PARD3: variants seen among roughly 807,000 people sequenced by gnomAD.
The protein encoded by PARD3 is partitioning defective 3 homolog.
PARD3 carries 75 observed loss-of-function variants against 155.4 expected under a neutral mutation model. That is an observed-to-expected ratio of 0.48 (90% CI 0.40 to 0.58). PARD3 has a LOEUF of 0.58. Among genes scored for constraint, PARD3 ranks in the 20% least tolerant of loss-of-function variants. The probability of loss-of-function intolerance (pLI) is 0.00; values close to 1 mark genes in which losing one functional copy is unlikely to be tolerated. For synonymous variants in PARD3, 576 were observed against 610.5 expected (o/e 0.94, Z 0.83); for missense variants, 1,642 against 1,721.7 (o/e 0.95, Z 0.82).
chr10:34,477,301 G>A (rs1406213267), intron 3 of PARD3, among the ~76,000 whole-genome samples: 3 of 152,068 alleles, frequency 2.0e-5, no homozygotes, highest in Non-Finnish European at 4.4e-5. Flanking sequence ...TTAATATATA[G>A]ATTTTCAAAG....
intron 1 of PARD3, among the ~76,000 whole-genome samples, chr10:34,788,520 GCTC>G (rs1841264089): frequency 6.6e-6 from 1 of 151,672 alleles, no homozygotes; most frequent in African/African-American, 2.4e-5. Context: ...CACGATCGCG[GCTC>G]ACTGCAAACT....
chr10:34,493,879 C>T (rs2133350848), intron 3 of PARD3, among the ~76,000 whole-genome samples: 1 of 152,318 alleles, frequency 6.6e-6, no homozygotes, highest in African/African-American at 2.4e-5. Flanking sequence ...TGCACCTTCT[C>T]CATCTATTAT....
At chr10:34,655,743 TACA>T (rs1466412878) in intron 2 of PARD3, among the ~76,000 whole-genome samples, 1 of 152,072 alleles carries the variant, frequency 6.6e-6, no homozygotes, top group Non-Finnish European at 1.5e-5. Context: ...AGGATGACAA[TACA>T]AAGAGTAGAC....
chr10:34,353,345 A>G (rs1589276473), intron 14 of PARD3, among the ~76,000 whole-genome samples: 3 of 152,364 alleles, frequency 2.0e-5, no homozygotes, highest in East Asian at 3.9e-4. Context: ...AAGTAGACAT[A>G]GGAGACTCCA....
At position 34,372,519 on chromosome 10, in the gene PARD3, C is replaced by G. The variant is rs1840791774; in HGVS notation, c.1686G>C (p.Gln562His). 1 of 1,611,242 alleles carries G rather than the reference C, an allele frequency of 6.2e-7. No homozygotes were observed. The highest frequency in any genetic ancestry group is 1.7e-5 in the Admixed American group (1 of 59,984). The change falls in exon 12 of 25, where the codon CAG becomes CAC. Residue 562 changes from glutamine (Q) to histidine (H), a missense_variant. This residue lies in a region of PARD3 where 1,529 missense variants were observed against 1,587.3 expected (regional missense o/e 0.96). Transcript: ENST00000374788. The part of the protein sequence containing the change: ...HPRELNAEPS[Q>H]MQIPKETKAE... The stretch of plus-strand genomic sequence containing the variant: ...TTACCGTTTCTTTTGGAATCTGCAT[C>G]TGGCTTGGCTCTGCATTCTAGAAGA...
chr10:34,668,393 A>G (rs1017440808), intron 2 of PARD3, among the ~76,000 whole-genome samples: 1 of 152,206 alleles, frequency 6.6e-6, no homozygotes, highest in African/African-American at 2.4e-5. Context: ...TGCTCAGTGC[A>G]ACTGAATCAT....
intron 2 of PARD3, among the ~76,000 whole-genome samples, chr10:34,657,866 G>C (rs932149271): frequency 2.6e-5 from 4 of 151,274 alleles, no homozygotes; most frequent in Admixed American, 1.3e-4. Context: ...GAGATCAACA[G>C]CCAGGCGCGG....
intron 22 of PARD3, among the ~76,000 whole-genome samples, chr10:34,164,100 C>G (rs1201655558): frequency 1.3e-5 from 2 of 152,122 alleles, no homozygotes; most frequent in Non-Finnish European, 2.9e-5. Flanking sequence ...ATCACTAATA[C>G]AGACATTGTG....
intron 2 of PARD3, among the ~76,000 whole-genome samples, chr10:34,672,400 G>A (rs1454117447): frequency 2.6e-5 from 4 of 152,214 alleles, no homozygotes; most frequent in Non-Finnish European, 5.9e-5. Flanking sequence ...CAGGCAGCAT[G>A]CTCCATTCAT....
chr10:34,519,878 A>G (rs2082031651), intron 2 of PARD3, among the ~76,000 whole-genome samples: 1 of 147,350 alleles, frequency 6.8e-6, no homozygotes, highest in South Asian at 2.2e-4. Context: ...AACATAACAT[A>G]ACATAAAAAT....
chr10:34,324,040 T>C (rs997151527), intron 19 of PARD3, among the ~76,000 whole-genome samples: 1 of 152,096 alleles, frequency 6.6e-6, no homozygotes, highest in Non-Finnish European at 1.5e-5. Flanking sequence ...AATCAAGGAG[T>C]GAGCTTAACG....
At chr10:34,317,072 T>A (rs1958053800) in intron 20 of PARD3, 35 bp downstream of exon 20, 1 of 1,522,358 alleles carries the variant, frequency 6.6e-7, no homozygotes, top group Non-Finnish European at 8.8e-7. Flanking sequence ...CCTGTATGTT[T>A]AAGGAGATTC....
intron 2 of PARD3, among the ~76,000 whole-genome samples, chr10:34,605,039 C>T (rs1017594532): frequency 6.6e-6 from 1 of 151,936 alleles, no homozygotes; most frequent in African/African-American, 2.4e-5. Flanking sequence ...AGTTTCTCTT[C>T]TGGTGATTAT....
At chr10:34,611,088 C>T (rs1195822509) in intron 2 of PARD3, among the ~76,000 whole-genome samples, 3 of 152,066 alleles carry the variant, frequency 2.0e-5, no homozygotes, top group African/African-American at 2.4e-5. Context: ...TCTATGTTAA[C>T]GATGCATTCC....
Position 34,269,805 on chromosome 10 carries a change from C to G in PARD3, c.3271G>C (p.Asp1091His), listed in dbSNP as rs762590546. Residue 1091 changes from aspartate (D) to histidine (H), a missense_variant, in exon 22 of 25, where the codon GAT (aspartate) becomes CAT (histidine). This residue lies in a region of PARD3 where 1,529 missense variants were observed against 1,587.3 expected (regional missense o/e 0.96). Transcript: ENST00000374788. ...QDFHRTFGCD[D>H]ELMYGGVSSY... ...GAAACTCCCCCATACATTAACTCAT[C>G]ATCACAGCCAAATGTCCGATGAAAA... 58 of 1,613,904 alleles carry G rather than the reference C, an allele frequency of 3.6e-5. No homozygotes were observed. The highest frequency in any genetic ancestry group is 6.6e-5 in the South Asian group (6 of 91,082).
chr10:34,583,442 T>C (rs1224697754), intron 2 of PARD3, among the ~76,000 whole-genome samples: 11 of 152,164 alleles, frequency 7.2e-5, no homozygotes, highest in Non-Finnish European at 1.5e-4. Flanking sequence ...TTTTGTCTTT[T>C]TGATTTTTTT....
intron 22 of PARD3, among the ~76,000 whole-genome samples, chr10:34,261,797 G>GAA (rs746040235): frequency 1.7e-5 from 1 of 57,372 alleles, no homozygotes; most frequent in East Asian, 4.5e-4. Flanking sequence ...AAGAAAGAAA[G>GAA]AAAGAAAGAA....
chr10:34,656,897 C>T (rs925706467), intron 2 of PARD3, among the ~76,000 whole-genome samples: 3 of 152,192 alleles, frequency 2.0e-5, no homozygotes, highest in East Asian at 1.9e-4. Flanking sequence ...GCAAAAGCAT[C>T]AAGCTAAGGC....
chr10:34,390,270 T>G (rs568730649), intron 7 of PARD3, among the ~76,000 whole-genome samples: 3 of 152,136 alleles, frequency 2.0e-5, no homozygotes, highest in Non-Finnish European at 4.4e-5. Context: ...TACGACATAA[T>G]AGTAAATTTT....
Sources: allele counts gnomAD v4.1 joint callset (sites outside exome capture counted in the v4.1 genomes callset), GRCh38; gene constraint gnomAD v4.1.1; regional missense constraint gnomAD v4.1.1; transcripts MANE v1.5; gene names NCBI Gene and HGNC (gene_info 2026-07-23, HGNC 2026-07-21).